The following UBN2 variants were observed in gnomAD, a reference collection of about 807,000 sequenced individuals.
UBN2 encodes ubinuclein-2.
In UBN2, 35 loss-of-function variants were observed where a neutral mutation model predicts 120.2. The ratio of observed to expected loss-of-function variants is 0.29; its 90% CI spans 0.22 to 0.39. UBN2 has a LOEUF of 0.39. Among genes scored for constraint, UBN2 ranks in the 10% least tolerant of loss-of-function variants. The pLI is 1.00. For synonymous variants in UBN2, 661 were observed against 648.7 expected, an observed-to-expected ratio of 1.02 and a Z score of -0.29; for missense variants, 1,693 against 1,663.2, an observed-to-expected ratio of 1.02 and a Z score of -0.31.
intron 13 of UBN2, among the ~76,000 whole-genome samples, chr7:139,281,662 A>G (rs755397521): frequency 6.6e-6 from 1 of 152,248 alleles, no homozygotes; most frequent in Non-Finnish European, 1.5e-5. Flanking sequence ...GAGTGGATTT[A>G]ATGGTTTTAT....
intron 7 of UBN2, among the ~76,000 whole-genome samples, chr7:139,268,994 G>A (rs893939968): frequency 2.0e-5 from 3 of 152,158 alleles, no homozygotes; most frequent in African/African-American, 4.8e-5. Context: ...ATCATCTGAG[G>A]TCAGGAGTTC....
At position 139,283,172 on chromosome 7, in the gene UBN2, T is replaced by C. The variant is rs1797666926; in HGVS notation, c.2267T>C (p.Leu756Pro). The C allele has an allele frequency of 6.2e-7, 1 of 1,612,176 alleles. No homozygotes were observed. Among genetic ancestry groups the C allele is most frequent in the Non-Finnish European group, 8.5e-7 (1 of 1,179,768 alleles). The change falls in exon 15 of 18, where the codon CTA (leucine) becomes CCA (proline). Residue 756 changes from leucine to proline, a missense_variant. By Grantham distance (98) the Leu-to-Pro change is moderately conservative. Coordinates refer to ENST00000473989, the MANE Select transcript of UBN2 (RefSeq NM_173569.4). ...AQETICLDDS[L>P]DEDLSFHSPS... The stretch of plus-strand genomic sequence containing the variant: ...GAAACCATCTGCCTCGACGACTCAC[T>C]AGATGAAGACCTTTCTTTCCATTCA...
At chr7:139,313,759 C>G in the UBN2 span, among the ~76,000 whole-genome samples, 2 of 151,830 alleles carry the variant, frequency 1.3e-5, no homozygotes, top group Non-Finnish European at 2.9e-5. Flanking sequence ...AGTTCTATTC[C>G]TAATTTTCTG....
the UBN2 span, among the ~76,000 whole-genome samples, chr7:139,319,120 T>TG: frequency 1.3e-5 from 2 of 152,158 alleles, no homozygotes; most frequent in Non-Finnish European, 2.9e-5. Flanking sequence ...GTTGCTCTGT[T>TG]GCCCAGGCTG....
Position 139,231,730 on chromosome 7 carries a change from G to A in UBN2, c.246G>A (p.Pro82=), listed in dbSNP as rs1048220873. The change falls in exon 1 of 18, where the codon CCG becomes CCA. Residue 82 remains proline, a synonymous_variant. Coordinates refer to ENST00000473989, the MANE Select transcript of UBN2 (RefSeq NM_173569.4). ...LPQREVSRAE[P]PMSLQREPPR... is the part of the protein sequence containing the mutation. ...AGCGCGAGGTCAGCCGCGCCGAGCCGCCCATGTCGCTGCAGCGGGAGCCCC... is the reference window on the plus strand; with the variant it reads ...AGCGCGAGGTCAGCCGCGCCGAGCCACCCATGTCGCTGCAGCGGGAGCCCC... 7.9e-5 allele frequency: 94 copies of A among 1,194,168 alleles called. No homozygotes were observed. Among genetic ancestry groups the A allele is most frequent in the Non-Finnish European group, 9.1e-5 (88 of 968,382 alleles). 74.0% of individuals were successfully genotyped at this position (1,194,168 alleles called of 1,614,324 possible). A position where few individuals can be genotyped will look rare whatever the true frequency, so the allele number is the denominator to read the frequency against.
intron 1 of UBN2, among the ~76,000 whole-genome samples, chr7:139,232,361 G>A (rs570982172): frequency 1.4e-4 from 21 of 152,346 alleles, no homozygotes; most frequent in African/African-American, 4.3e-4. Context: ...AACCTTGGGG[G>A]ACACGCCCCC....
chr7:139,257,478 G>A (rs1180751848), intron 3 of UBN2, among the ~76,000 whole-genome samples: 1 of 151,996 alleles, frequency 6.6e-6, no homozygotes, highest in African/African-American at 2.4e-5. Flanking sequence ...GTATGATCTT[G>A]GCTCACTGCA....
chr7:139,303,837 G>A lies in UBN2; in HGVS notation c.*6001G>A, dbSNP rs764326609. ...TCTTTGAGGTGGGATAAAATGTTTA[G>A]TTTCAGGTTAACAAGGGAGAGAAAT... is the stretch of plus-strand genomic sequence containing the variant. On this transcript the variant is annotated 3_prime_UTR_variant, in exon 18 of 18. Transcript: ENST00000473989. 1.6e-4 allele frequency: 25 copies of A among 152,106 alleles called. No individual in the cohort carries two copies. The highest frequency in any genetic ancestry group is 3.7e-4 in the Non-Finnish European group (25 of 68,006). The allele number at this position is 152,106 out of a possible 1,614,324, so 9.4% of individuals were successfully genotyped here.
At chr7:139,248,387 A>G (rs1796530600) in intron 2 of UBN2, among the ~76,000 whole-genome samples, 1 of 152,138 alleles carries the variant, frequency 6.6e-6, no homozygotes, top group Non-Finnish European at 1.5e-5. Context: ...TACATTCTTT[A>G]TCAGCAGTGT....
chr7:139,307,803 T>C lies in UBN2; in HGVS notation c.*9967T>C, dbSNP rs1371965781. ...ACTTTAATGGTAAAACATTTCACAC[T>C]TTGGATGGTTTGCTTGTCTCTAGTT... On this transcript the variant is annotated 3_prime_UTR_variant, in exon 18 of 18. Transcript: ENST00000473989. The C allele has an allele frequency of 6.6e-6, 1 of 152,170 alleles. No individual in the cohort carries two copies. Among genetic ancestry groups the C allele is most frequent in the Non-Finnish European group, 1.5e-5 (1 of 68,034 alleles). The allele number at this position is 152,170 out of a possible 1,614,324, so 9.4% of individuals were successfully genotyped here.
chr7:139,320,422 C>T, the UBN2 span, among the ~76,000 whole-genome samples: 2 of 151,836 alleles, frequency 1.3e-5, no homozygotes, highest in Non-Finnish European at 2.9e-5. Flanking sequence ...GATCACGATA[C>T]TGCACTCCAG....
chr7:139,269,572 A>G, intron 8 of UBN2, 49 bp downstream of exon 8: 2 of 1,594,854 alleles, frequency 1.3e-6, no homozygotes, highest in Non-Finnish European at 1.7e-6. Flanking sequence ...ATAACCTGTA[A>G]AGATACTTGT....
rs1797709401 is a variant in UBN2, at chr7:139,284,223, T to C, written c.3318T>C (p.Thr1106=). Residue 1106 remains threonine (T), a synonymous_variant, in exon 15 of 18, where the codon ACT becomes ACC. Coordinates refer to ENST00000473989, the MANE Select transcript of UBN2 (RefSeq NM_173569.4). ...TTGCCCAGGGTAGCCACTCCAGCAC[T>C]AACAGCCCAGTCCATAAACAGCCCA... is the stretch of plus-strand genomic sequence containing the variant. ...ALVAQGSHSS[T]NSPVHKQPSG... The C allele has an allele frequency of 6.2e-7, 1 of 1,613,978 alleles. No homozygotes were observed. The highest frequency in any genetic ancestry group is 1.7e-5 in the Admixed American group (1 of 59,982).
At chr7:139,252,673 G>T (rs189523585) in intron 3 of UBN2, among the ~76,000 whole-genome samples, 78 of 152,050 alleles carry the variant, frequency 5.1e-4, no homozygotes, top group African/African-American at 1.8e-3. Flanking sequence ...CTCCTTTCCA[G>T]TTCCTGAAAG....
intron 15 of UBN2, among the ~76,000 whole-genome samples, chr7:139,286,180 G>A (rs539205927): frequency 5.0e-4 from 76 of 152,098 alleles, no homozygotes; most frequent in African/African-American, 1.8e-3. Flanking sequence ...TGCCCACCTC[G>A]GCCTCCCAAA....
rs748769956 is a variant in UBN2 at position 139,293,236 on chromosome 7, C to T, written c.3674C>T (p.Thr1225Ile). The change falls in exon 16 of 18, where the codon ACA becomes ATA. Residue 1225 changes from threonine to isoleucine, a missense_variant. Thr to Ile is a moderately conservative substitution (Grantham distance 89). Transcript: ENST00000473989. ...TGACCCCTGGTTTCTGCACAGTCCA[C>T]AGCAGGAGCATCATTATTGGCTAAT... ...SSVVTASVQS[T>I]AGASLLANAS... 3.1e-6 allele frequency: 5 copies of T among 1,613,974 alleles called. No homozygotes were observed. The highest frequency in any genetic ancestry group is 2.2e-5 in the South Asian group (2 of 91,074).
chr7:139,258,666 A>G lies in UBN2; in HGVS notation c.801+41A>G, dbSNP rs758495168. 2.7e-6 allele frequency: 4 copies of G among 1,478,570 alleles called. No individual in the cohort carries two copies. The South Asian group carries it at 4.4e-5, about 16-fold the overall frequency. 91.6% of individuals were successfully genotyped at this position (1,478,570 alleles called of 1,614,324 possible). A position where few individuals can be genotyped will look rare whatever the true frequency, so the allele number is the denominator to read the frequency against. ...ATTGCAACAGTACTGAGAATGTTCAATTAATAGGATTTTTTTTAATGTTAC... is the reference window on the plus strand; with the variant it reads ...ATTGCAACAGTACTGAGAATGTTCAGTTAATAGGATTTTTTTTAATGTTAC... On this transcript the variant is annotated intron_variant, in intron 4 of 17. Transcript: ENST00000473989.
At chr7:139,285,096 A>T (rs776880538) in intron 15 of UBN2, among the ~76,000 whole-genome samples, 7 of 152,260 alleles carry the variant, frequency 4.6e-5, no homozygotes, top group Non-Finnish European at 8.8e-5. Flanking sequence ...GTAGTTATAT[A>T]TAATTTTCTA....
At chr7:139,275,940 A>G (rs1044246992) in intron 11 of UBN2, among the ~76,000 whole-genome samples, 157 bp from the exon 12 acceptor site, 10 of 152,244 alleles carry the variant, frequency 6.6e-5, no homozygotes, top group Non-Finnish European at 1.3e-4. Flanking sequence ...AAAACTCTCC[A>G]TAAAATAGAT....
Sources: allele counts gnomAD v4.1 joint callset (sites outside exome capture counted in the v4.1 genomes callset), GRCh38; gene constraint gnomAD v4.1.1; transcripts MANE v1.5; gene names NCBI Gene and HGNC (gene_info 2026-07-23, HGNC 2026-07-21).